Variants in PCDHGA2 observed in about 807,000 individuals in gnomAD.
The protein encoded by PCDHGA2 is protocadherin gamma-A2.
A neutral mutation model predicts 59.2 loss-of-function variants in PCDHGA2; 40 were observed. The ratio of observed to expected loss-of-function variants is 0.68; its 90% CI spans 0.52 to 0.88. PCDHGA2 has a LOEUF of 0.88. Ranked by LOEUF, PCDHGA2 falls within the 40% of genes least tolerant of loss-of-function variation. The probability of loss-of-function intolerance (pLI) is 0.00; values close to 1 mark genes in which losing one functional copy is unlikely to be tolerated. For missense variants in PCDHGA2, 1,226 were observed against 1,204.0 expected (o/e 1.02, Z -0.27); for synonymous variants, 560 against 526.0 (o/e 1.06, Z -0.89).
intron 1 of PCDHGA2, among the ~76,000 whole-genome samples, chr5:141,430,159 A>G (rs1324343997): frequency 6.6e-6 from 1 of 152,176 alleles, no homozygotes; most frequent in Non-Finnish European, 1.5e-5. Context: ...CAAGGAATCT[A>G]TTTAAAAATA....
rs956295940 is a variant in PCDHGA2 at position 141,477,700 on chromosome 5, G to T, written c.2425-17107G>T. The T allele has an allele frequency of 1.2e-6, 2 of 1,613,954 alleles. No individual in the cohort carries two copies. Among genetic ancestry groups the T allele is most frequent in the African/African-American group, 2.7e-5 (2 of 74,928 alleles). On this transcript the variant is annotated intron_variant, in intron 1 of 3. Coordinates refer to ENST00000394576, the MANE Select transcript of PCDHGA2 (RefSeq NM_018915.4). This position sits in a 1 kb window ranked among gnomAD's most constrained non-coding sequence, Gnocchi z 4.9. ...CATCCTTAGTGCCCCTAGACTATGAGGATCGGCGGGAATTTGAATTAACAG... is the reference window on the plus strand; with the variant it reads ...CATCCTTAGTGCCCCTAGACTATGATGATCGGCGGGAATTTGAATTAACAG...
chr5:141,355,298 A>C (rs374574090), intron 1 of PCDHGA2: 19 of 1,613,694 alleles, frequency 1.2e-5, no homozygotes, highest in African/African-American at 6.7e-5. Context: ...CAGATTCTCT[A>C]CTCGGTGTTT....
chr5:141,473,905 G>T (rs940750776), intron 1 of PCDHGA2, among the ~76,000 whole-genome samples: 2 of 152,096 alleles, frequency 1.3e-5, no homozygotes, highest in African/African-American at 4.8e-5. Context: ...TCATGAAGAG[G>T]TCTTAAGAAA....
chr5:141,388,745 C>T lies in PCDHGA2; in HGVS notation c.2424+47350C>T, dbSNP rs1280615634. Reference sequence around the variant, plus strand: ...TCTCTTTCAGTGAAGCTAGCCAGATCACCCAATTTGACCTGAACTCTAACA... The same window carrying T: ...TCTCTTTCAGTGAAGCTAGCCAGATTACCCAATTTGACCTGAACTCTAACA... On this transcript the variant is annotated intron_variant, in intron 1 of 3. Coordinates refer to ENST00000394576, the MANE Select transcript of PCDHGA2 (RefSeq NM_018915.4). 3 of 1,614,024 alleles carry T rather than the reference C, an allele frequency of 1.9e-6. No individual in the cohort carries two copies. The Admixed American group carries it at 5.0e-5, about 27-fold the overall frequency.
chr5:141,365,658 C>T, intron 1 of PCDHGA2: 1 of 1,613,440 alleles, frequency 6.2e-7, no homozygotes, highest in Non-Finnish European at 8.5e-7. Context: ...TTGAAAGTAG[C>T]AGACGTTAAT....
At chr5:141,391,788 G>GT (rs1373420883) in intron 1 of PCDHGA2, 2 of 152,132 alleles carry the variant, frequency 1.3e-5, no homozygotes, top group African/African-American at 2.4e-5. Flanking sequence ...ACTTTTTGCA[G>GT]TTTTTTAGAT....
Position 141,427,474 on chromosome 5 carries a change from A to T in PCDHGA2, c.2425-67333A>T, listed in dbSNP as rs373512099. On this transcript the variant is annotated intron_variant, in intron 1 of 3. Transcript: ENST00000394576. The stretch of plus-strand genomic sequence containing the variant: ...CCTTTTAGAATCGAATCTTCCGCCA[A>T]TAATGACTATAAGCTTGTAACAGAT... 10 of 520,294 alleles carry T rather than the reference A, an allele frequency of 1.9e-5. No individual in the cohort carries two copies. In the East Asian group the frequency reaches 2.1e-4, roughly 11 times the overall value. The allele number at this position is 520,294 out of a possible 1,614,324, so 32.2% of individuals were successfully genotyped here. A position where few individuals can be genotyped will look rare whatever the true frequency, so the allele number is the denominator to read the frequency against.
At chr5:141,344,696 C>T (rs752778278) in intron 1 of PCDHGA2, 1 of 1,613,968 alleles carries the variant, frequency 6.2e-7, no homozygotes, top group South Asian at 1.1e-5. Context: ...GCGACCCTGT[C>T]CACTCTGGCA....
intron 1 of PCDHGA2, chr5:141,389,928 C>A: frequency 6.2e-7 from 1 of 1,614,068 alleles, no homozygotes. Flanking sequence ...CCCCTCTGAC[C>A]TCCAGGCTGA....
Position 141,417,931 on chromosome 5 carries a change from G to C in PCDHGA2, c.2424+76536G>C, listed in dbSNP as rs551432799. The C allele has an allele frequency of 6.2e-6, 10 of 1,611,500 alleles. No homozygotes were observed. In the South Asian group the frequency reaches 9.9e-5, roughly 16 times the overall value. On this transcript the variant is annotated intron_variant, in intron 1 of 3. Transcript: ENST00000394576. ...TACTATTTCCTTTGCTGCTGCCTTT[G>C]TTCTACCCCACGCTGTGTGAGCCGA...
At position 141,356,674 on chromosome 5, in the gene PCDHGA2, G is replaced by T. The variant is rs182109278; in HGVS notation, c.2424+15279G>T. On this transcript the variant is annotated intron_variant, in intron 1 of 3. Transcript: ENST00000394576. ...CAATGCCCGAATCACTTACTCCCTG[G>T]CCGAAGACACCTTCCAGGGTGCACC... 76 of 1,613,934 alleles carry T rather than the reference G, an allele frequency of 4.7e-5. No individual in the cohort carries two copies. The East Asian group carries it at 1.6e-3, about 34-fold the overall frequency.
intron 1 of PCDHGA2, chr5:141,361,923 A>G (rs1762237619): frequency 6.2e-7 from 1 of 1,607,688 alleles, no homozygotes; most frequent in African/African-American, 1.3e-5. Context: ...CGGTGGACGC[A>G]GACTCAGGAC....
At chr5:141,351,340 T>C in intron 1 of PCDHGA2, 1 of 1,613,562 alleles carries the variant, frequency 6.2e-7, no homozygotes, top group Non-Finnish European at 8.5e-7. Context: ...ACCTTGGAAC[T>C]GTAATAGCCC....
chr5:141,431,511 T>G lies in PCDHGA2; in HGVS notation c.2425-63296T>G, dbSNP rs1234369765. 6.2e-7 allele frequency: 1 copy of G among 1,614,018 alleles called. No individual in the cohort carries two copies. On this transcript the variant is annotated intron_variant, in intron 1 of 3. Transcript: ENST00000394576. The surrounding 1 kb of genome is among the most constrained non-coding windows in gnomAD (Gnocchi z 4.8). ...GCTCAGCCCGAGTACCGCGCGAGCGTTCCGGAGAATCTGGCCTTGGGCACG... is the reference window on the plus strand; with the variant it reads ...GCTCAGCCCGAGTACCGCGCGAGCGGTCCGGAGAATCTGGCCTTGGGCACG...
At chr5:141,391,248 A>G (rs1561633877) in intron 1 of PCDHGA2, 1 of 152,120 alleles carries the variant, frequency 6.6e-6, no homozygotes, top group Non-Finnish European at 1.5e-5. Context: ...TATCTAAGCA[A>G]CTGCTTCAGT....
At chr5:141,420,391 G>C in intron 1 of PCDHGA2, 1 of 1,270,636 alleles carries the variant, frequency 7.9e-7, no homozygotes, top group Non-Finnish European at 1.0e-6. Flanking sequence ...GCAAAATATA[G>C]GTCAAATTTA....
chr5:141,357,646 T>C (rs763198848), intron 1 of PCDHGA2: 3 of 1,610,622 alleles, frequency 1.9e-6, no homozygotes, highest in Non-Finnish European at 2.5e-6. Flanking sequence ...TAATAGATCA[T>C]ACCACACTGA....
intron 1 of PCDHGA2, chr5:141,421,202 C>G (rs1345590720): frequency 6.6e-7 from 1 of 1,519,226 alleles, no homozygotes; most frequent in Non-Finnish European, 8.8e-7. Flanking sequence ...CTCGAGAAAC[C>G]GCGGAATATC....
Position 141,431,215 on chromosome 5 carries a change from C to T in PCDHGA2, c.2425-63592C>T, listed in dbSNP as rs1225114172. On this transcript the variant is annotated intron_variant, in intron 1 of 3. Transcript: ENST00000394576. The surrounding 1 kb of genome is among the most constrained non-coding windows in gnomAD (Gnocchi z 4.8). ...AAAATGCAGCCACTGAGATGCGGTT[C>T]CCTCTACCCCACGCCTGGGATCCGG... is the stretch of plus-strand genomic sequence containing the variant. 2.5e-6 allele frequency: 4 copies of T among 1,614,066 alleles called. No homozygotes were observed. The highest frequency in any genetic ancestry group is 1.3e-5 in the African/African-American group (1 of 74,942).
Sources: allele counts gnomAD v4.1 joint callset (sites outside exome capture counted in the v4.1 genomes callset), GRCh38; gene constraint gnomAD v4.1.1; non-coding constraint Gnocchi (gnomAD v3.1); transcripts MANE v1.5; gene names NCBI Gene and HGNC (gene_info 2026-07-23, HGNC 2026-07-21).